Variants in PTCHD1 observed in about 807,000 individuals in gnomAD.
PTCHD1 encodes patched domain containing 1.
A neutral mutation model predicts 34.6 loss-of-function variants in PTCHD1; 3 were observed. The ratio of observed to expected loss-of-function variants is 0.09; its 90% CI spans 0.04 to 0.22. The LOEUF (loss-of-function observed/expected upper bound fraction) is 0.22. Among genes scored for constraint, PTCHD1 ranks in the 10% least tolerant of loss-of-function variants. PTCHD1 has a pLI of 1.00. For synonymous variants in PTCHD1, 305 were observed against 283.1 expected, an observed-to-expected ratio of 1.08 and a Z score of -0.77; for missense variants, 504 against 685.5, an observed-to-expected ratio of 0.74 and a Z score of 2.96.
chrX:23,380,214 T>C lies in PTCHD1; in HGVS notation c.975T>C (p.Tyr325=), dbSNP rs939262719. ...TCATCAATCTTACTGGTGGGAAATA[T>C]AATTCCACCTTCCTGGGAGTCCCTT... is the stretch of plus-strand genomic sequence containing the variant. The part of the protein sequence containing the change: ...AGIINLTGGK[Y]NSTFLGVPFV... The change falls in exon 2 of 3, where the codon TAT becomes TAC. Residue 325 remains tyrosine (Y), a synonymous_variant. Transcript: ENST00000379361. The C allele has an allele frequency of 1.7e-6, 2 of 1,209,034 alleles. No homozygotes were observed. The highest frequency in any genetic ancestry group is 2.2e-6 in the Non-Finnish European group (2 of 894,719).
In PTCHD1 at chrX:23,389,819, G is replaced by C. The variant is rs1336623951; in HGVS notation, c.1013-2712G>C. ...CCCAAACCAAGAACATATGCAAAAA[G>C]AGCCAGGACTCAAAATAAAAGATCA... On this transcript the variant is annotated intron_variant, in intron 2 of 2. Transcript: ENST00000379361. Among the ~76,000 whole-genome samples, 3 of 111,830 alleles carry C rather than the reference G, an allele frequency of 2.7e-5. No homozygotes were observed. The East Asian group carries it at 8.4e-4, about 31-fold the overall frequency.
intron 1 of PTCHD1, among the ~76,000 whole-genome samples, chrX:23,360,221 G>A (rs1921935604): frequency 8.9e-6 from 1 of 111,820 alleles, no homozygotes; most frequent in Non-Finnish European, 1.9e-5. Flanking sequence ...CAGAAGGAAT[G>A]GTACCAGCTC....
At chrX:23,340,353 C>T (rs1921271804) in intron 1 of PTCHD1, among the ~76,000 whole-genome samples, 1 of 111,751 alleles carries the variant, frequency 8.9e-6, no homozygotes, top group African/African-American at 3.3e-5. Context: ...TGGCTCTGTC[C>T]CTTCAGGTCT....
chrX:23,394,409 G>GACACACACAGAC lies in PTCHD1; in HGVS notation c.*233_*234insGACACACACACA. On this transcript the variant is annotated 3_prime_UTR_variant, in exon 3 of 3. Transcript: ENST00000379361. ...TGTTATGAGAATTCACACACACATA[G>GACACACACAGAC]ACACACACACACACACACACACACA... The GACACACACAGAC allele has an allele frequency of 4.8e-6, 1 of 208,356 alleles. No individual in the cohort carries two copies. The highest frequency in any genetic ancestry group is 8.5e-6 in the Non-Finnish European group (1 of 117,056). 17.2% of individuals were successfully genotyped at this position (208,356 alleles called of 1,213,427 possible).
chrX:23,393,233 A>T lies in PTCHD1; in HGVS notation c.1715A>T (p.Gln572Leu). Reference sequence around the variant, plus strand: ...ATAGAATACTGGAACACTAGTGTCCAAGAAGATGTTCTAGAATACACCAAG... The same window carrying T: ...ATAGAATACTGGAACACTAGTGTCCTAGAAGATGTTCTAGAATACACCAAG... ...ESIEYWNTSV[Q>L]EDVLEYTKGF... The change falls in exon 3 of 3, where the codon CAA (glutamine) becomes CTA (leucine). Residue 572 changes from glutamine (Q) to leucine (L), a missense_variant. Gln to Leu is a moderately radical substitution (Grantham distance 113). Transcript: ENST00000379361. 8.3e-7 allele frequency: 1 copy of T among 1,208,359 alleles called. No individual in the cohort carries two copies.
intron 1 of PTCHD1, among the ~76,000 whole-genome samples, chrX:23,350,382 TG>T (rs1288648104): frequency 8.9e-6 from 1 of 111,830 alleles, no homozygotes; most frequent in Non-Finnish European, 1.9e-5. Flanking sequence ...TAATTGGATC[TG>T]GGAGTCATCA....
intron 1 of PTCHD1, among the ~76,000 whole-genome samples, chrX:23,375,022 T>A (rs1922372906): frequency 8.9e-6 from 1 of 112,087 alleles, no homozygotes; most frequent in Admixed American, 9.4e-5. Flanking sequence ...CCCCAGGACC[T>A]TTTTTCTTAG....
At chrX:23,343,137 A>G (rs1421028365) in intron 1 of PTCHD1, among the ~76,000 whole-genome samples, 1 of 112,533 alleles carries the variant, frequency 8.9e-6, no homozygotes, top group Non-Finnish European at 1.9e-5. Flanking sequence ...TTGGTCAAAT[A>G]TAATTTTGCC....
At chrX:23,342,320 T>A (rs1601901799) in intron 1 of PTCHD1, among the ~76,000 whole-genome samples, 5 of 47,395 alleles carry the variant, frequency 1.1e-4, no homozygotes, top group Admixed American at 2.7e-4. Context: ...ATTTTTTTTT[T>A]TTTTTTTTTT....
intron 2 of PTCHD1, among the ~76,000 whole-genome samples, chrX:23,384,177 G>T (rs1194467427): frequency 8.9e-6 from 1 of 112,382 alleles, no homozygotes; most frequent in Non-Finnish European, 1.9e-5. Flanking sequence ...CAGCTAAAAA[G>T]GAGAATTGAA....
rs1402817762 is a variant in PTCHD1 at position 23,399,026 on chromosome X, A to T, written c.*4841A>T. 1.8e-5 allele frequency: 2 copies of T among 110,996 alleles called. No individual in the cohort carries two copies. Among genetic ancestry groups the T allele is most frequent in the Non-Finnish European group, 3.8e-5 (2 of 53,109 alleles). The allele number at this position is 110,996 out of a possible 1,213,427, so 9.1% of individuals were successfully genotyped here. ...GTGAGGAAAAAAGCCTTCTTTTCAAAGTACAAAAAAAAGCGATGTGTACCA... is the reference window on the plus strand; with the variant it reads ...GTGAGGAAAAAAGCCTTCTTTTCAATGTACAAAAAAAAGCGATGTGTACCA... On this transcript the variant is annotated 3_prime_UTR_variant, in exon 3 of 3. Transcript: ENST00000379361.
chrX:23,337,210 T>A (rs1000940109), intron 1 of PTCHD1, among the ~76,000 whole-genome samples: 4 of 112,083 alleles, frequency 3.6e-5, no homozygotes, highest in Non-Finnish European at 7.5e-5. Context: ...AGGACAATGG[T>A]CAAAAATCAG....
rs1191784635 is a variant in PTCHD1 at position 23,397,761 on chromosome X, C to T, written c.*3576C>T. 1 of 111,119 alleles carries T rather than the reference C, an allele frequency of 9.0e-6. No individual in the cohort carries two copies. Among genetic ancestry groups the T allele is most frequent in the East Asian group, 2.8e-4 (1 of 3,542 alleles). 9.2% of individuals were successfully genotyped at this position (111,119 alleles called of 1,213,427 possible). ...ATTATGGGACCATGATACCACTTTT[C>T]TCCAGTGTCAATGACAGAGCTCAGC... On this transcript the variant is annotated 3_prime_UTR_variant, in exon 3 of 3. Coordinates refer to ENST00000379361, the MANE Select transcript of PTCHD1 (RefSeq NM_173495.3).
At chrX:23,347,003 G>A (rs1179455204) in intron 1 of PTCHD1, among the ~76,000 whole-genome samples, 4 of 111,888 alleles carry the variant, frequency 3.6e-5, no homozygotes, top group African/African-American at 1.3e-4. Flanking sequence ...TTATCATTGT[G>A]AAATCCACCC....
rs756203864 is a variant in PTCHD1, at chrX:23,361,078, C to A, written c.352-18513C>A. 1.4e-4 allele frequency among the ~76,000 whole-genome samples: 16 copies of A among 111,792 alleles called. No individual in the cohort carries two copies. In the South Asian group the frequency reaches 5.7e-3, roughly 40 times the overall value. ...AGTGCTTTACTTCCAACTATGTGGT[C>A]AGTTTTGGAATAAATGTGGTGTGGT... On this transcript the variant is annotated intron_variant, in intron 1 of 2. Transcript: ENST00000379361.
At chrX:23,367,998 A>G (rs1922190564) in intron 1 of PTCHD1, among the ~76,000 whole-genome samples, 1 of 110,783 alleles carries the variant, frequency 9.0e-6, no homozygotes, top group African/African-American at 3.3e-5. Flanking sequence ...AAAGTGTTCC[A>G]GTTTGGATGA....
intron 1 of PTCHD1, among the ~76,000 whole-genome samples, chrX:23,362,715 T>G (rs931788365): frequency 8.1e-5 from 9 of 111,800 alleles, no homozygotes; most frequent in Admixed American, 1.9e-4. Flanking sequence ...GCACTCTGGT[T>G]TTTAGAATTT....
intron 1 of PTCHD1, among the ~76,000 whole-genome samples, chrX:23,369,308 C>A (rs186070460): frequency 9.0e-6 from 1 of 111,290 alleles, no homozygotes; most frequent in African/African-American, 3.3e-5. Context: ...ATGTTTGACC[C>A]CCGACTTTGC....
chrX:23,371,744 A>T (rs1015321382), intron 1 of PTCHD1, among the ~76,000 whole-genome samples: 1 of 111,224 alleles, frequency 9.0e-6, no homozygotes, highest in African/African-American at 3.3e-5. Context: ...GTCGGGAAGG[A>T]TTAGGGGCTC....
Sources: gnomAD v4.1 joint callset for allele counts (sites outside exome capture counted in the v4.1 genomes callset) on GRCh38, gnomAD v4.1.1 for gene constraint, MANE v1.5 for transcripts, NCBI Gene and HGNC (gene_info 2026-07-23, HGNC 2026-07-21) for gene names.